The following TFCP2 variants were observed in gnomAD, a reference collection of about 807,000 sequenced individuals.
TFCP2 encodes the protein alpha-globin transcription factor CP2.
In TFCP2, 33 loss-of-function variants were observed where a neutral mutation model predicts 73.4. The ratio of observed to expected loss-of-function variants is 0.45; its 90% CI spans 0.34 to 0.60. The LOEUF is 0.60. TFCP2 is among the 20% of genes least tolerant of loss of function. The pLI is 0.01. For missense variants in TFCP2, 352 were observed against 604.0 expected (o/e 0.58, Z 4.37); for synonymous variants, 193 against 211.6 (o/e 0.91, Z 0.76).
chr12:51,158,826 GA>G (rs1333283241), intron 1 of TFCP2, among the ~76,000 whole-genome samples: 3 of 146,676 alleles, frequency 2.0e-5, no homozygotes, highest in Admixed American at 1.4e-4. Flanking sequence ...AGGGAAAAAA[GA>G]AAAAAAAATG....
intron 1 of TFCP2, among the ~76,000 whole-genome samples, chr12:51,146,212 G>A (rs1334336701): frequency 6.6e-6 from 1 of 151,812 alleles, no homozygotes; most frequent in Non-Finnish European, 1.5e-5. Flanking sequence ...GGAGGCTAAG[G>A]TAGGAGGACT....
intron 12 of TFCP2, among the ~76,000 whole-genome samples, chr12:51,099,451 C>A (rs1037945932): frequency 1.3e-4 from 20 of 149,750 alleles, no homozygotes; most frequent in Non-Finnish European, 2.2e-4. Context: ...GTACTTCAGC[C>A]TGGGTAACTG....
At chr12:51,095,664 A>G (rs1305283540) in intron 14 of TFCP2, among the ~76,000 whole-genome samples, 2 of 151,944 alleles carry the variant, frequency 1.3e-5, no homozygotes, top group South Asian at 2.1e-4. Flanking sequence ...AAATACAAAA[A>G]TTAGCCAGAC....
chr12:51,096,057 A>C lies in TFCP2; in HGVS notation c.1420-17T>G, dbSNP rs1024940741. 3 of 1,609,816 alleles carry C rather than the reference A, an allele frequency of 1.9e-6. No homozygotes were observed. The highest frequency in any genetic ancestry group is 2.7e-5 in the African/African-American group (2 of 74,792). On this transcript the variant is annotated splice_polypyrimidine_tract_variant and intron_variant, in intron 13 of 14. Coordinates refer to ENST00000257915, the MANE Select transcript of TFCP2 (RefSeq NM_005653.5). ...CTGTATCATCTGAAAAATGCAAGAAAATTTGTGATTATTTAAATGAAAAAC... is the reference window on the plus strand; with the variant it reads ...CTGTATCATCTGAAAAATGCAAGAACATTTGTGATTATTTAAATGAAAAAC...
chr12:51,166,317 A>T (rs908956487), intron 1 of TFCP2, among the ~76,000 whole-genome samples: 3 of 151,788 alleles, frequency 2.0e-5, no homozygotes, highest in Admixed American at 6.6e-5. Context: ...CCATCTCAAA[A>T]AATAATAATA....
intron 1 of TFCP2, among the ~76,000 whole-genome samples, chr12:51,161,431 A>C (rs912647069): frequency 7.9e-5 from 12 of 152,038 alleles, no homozygotes; most frequent in Non-Finnish European, 1.3e-4. Flanking sequence ...CTGCAATCCC[A>C]GCACTTTGGG....
At chr12:51,119,586 A>G (rs1457718111) in intron 1 of TFCP2, among the ~76,000 whole-genome samples, 2 of 151,792 alleles carry the variant, frequency 1.3e-5, no homozygotes, top group Admixed American at 1.3e-4. Context: ...CCCTGTCTCT[A>G]CTAAAAATAC....
chr12:51,140,233 T>C (rs1002183356), intron 1 of TFCP2, among the ~76,000 whole-genome samples: 11 of 152,016 alleles, frequency 7.2e-5, no homozygotes. Context: ...AATAAAATGA[T>C]AGTATTGATT....
intron 1 of TFCP2, among the ~76,000 whole-genome samples, chr12:51,145,879 G>A (rs2060373837): frequency 6.6e-6 from 1 of 151,572 alleles, no homozygotes; most frequent in African/African-American, 2.4e-5. Context: ...TTGAGCCCAG[G>A]AGTTCGAGGC....
intron 5 of TFCP2, 128 bp downstream of exon 5, chr12:51,110,749 G>T: frequency 1.5e-6 from 1 of 665,476 alleles, no homozygotes; most frequent in Non-Finnish European, 2.6e-6. Flanking sequence ...AGGTTAAAGA[G>T]CCTGGGCTTG....
At chr12:51,130,971 G>A (rs2137002334) in intron 1 of TFCP2, among the ~76,000 whole-genome samples, 1 of 151,676 alleles carries the variant, frequency 6.6e-6, no homozygotes, top group African/African-American at 2.4e-5. Context: ...CTGGGTGACA[G>A]AATGAGACTC....
intron 1 of TFCP2, among the ~76,000 whole-genome samples, chr12:51,164,403 C>G (rs745942450): frequency 6.6e-5 from 10 of 151,998 alleles, no homozygotes; most frequent in Non-Finnish European, 1.3e-4. Context: ...TCAAGACCAG[C>G]CTGGTCAACA....
Position 51,117,697 on chromosome 12 carries a change from G to T in TFCP2, c.325C>A (p.Pro109Thr). The change falls in exon 3 of 15, where the codon CCA (proline) becomes ACA (threonine). Residue 109 changes from proline (P) to threonine (T), a missense_variant. Pro to Thr is a conservative substitution (Grantham distance 38). Transcript: ENST00000257915. ...MLDNRKLGEL[P>T]EINGKLVKSI... Reference sequence around the variant, plus strand: ...TTCACCAATTTGCCATTAATTTCTGGAAGTTCTCCAAGTTTCCTATTGTCT... The same window carrying T: ...TTCACCAATTTGCCATTAATTTCTGTAAGTTCTCCAAGTTTCCTATTGTCT... The T allele has an allele frequency of 6.2e-7, 1 of 1,613,180 alleles. No individual in the cohort carries two copies. The highest frequency in any genetic ancestry group is 1.1e-5 in the South Asian group (1 of 90,960).
At chr12:51,123,845 A>C (rs1940739540) in intron 1 of TFCP2, among the ~76,000 whole-genome samples, 1 of 152,246 alleles carries the variant, frequency 6.6e-6, no homozygotes, top group Non-Finnish European at 1.5e-5. Flanking sequence ...ATAGGAGGCC[A>C]CTAAACTCCT....
At chr12:51,097,409 A>G (rs12370120) in intron 13 of TFCP2, among the ~76,000 whole-genome samples, 65,878 of 151,702 alleles carry the variant, frequency 0.43, 16,021 homozygotes, top group Non-Finnish European at 0.56. Flanking sequence ...CATCATGCCC[A>G]GCTAATTTTT....
At chr12:51,101,096 G>A (rs913208518) in intron 11 of TFCP2, among the ~76,000 whole-genome samples, 11 of 152,302 alleles carry the variant, frequency 7.2e-5, no homozygotes, top group African/African-American at 2.6e-4. Flanking sequence ...GAGATCAGGA[G>A]ATCGAGACCA....
intron 1 of TFCP2, among the ~76,000 whole-genome samples, chr12:51,157,287 G>A (rs1312578800): frequency 1.3e-5 from 2 of 152,016 alleles, no homozygotes; most frequent in Non-Finnish European, 2.9e-5. Context: ...CTCCCAAAGT[G>A]CTGGGATTAC....
At chr12:51,125,273 T>C (rs1436771111) in intron 1 of TFCP2, 1 of 569,860 alleles carries the variant, frequency 1.8e-6, no homozygotes, top group South Asian at 1.5e-5. Flanking sequence ...TGTCCTGTCA[T>C]TTTTGTCCTG....
intron 4 of TFCP2, among the ~76,000 whole-genome samples, chr12:51,115,409 C>G (rs540792575): frequency 2.0e-5 from 3 of 152,098 alleles, no homozygotes; most frequent in African/African-American, 7.2e-5. Context: ...CGTGAGCCAT[C>G]GCGCCCGGCC....
Sources: allele counts gnomAD v4.1 joint callset (sites outside exome capture counted in the v4.1 genomes callset), GRCh38; gene constraint gnomAD v4.1.1; transcripts MANE v1.5; gene names NCBI Gene and HGNC (gene_info 2026-07-23, HGNC 2026-07-21).